Variants in PCDH7 observed in about 807,000 individuals in gnomAD.
PCDH7 encodes protocadherin-7.
In PCDH7, 17 loss-of-function variants were observed where a neutral mutation model predicts 58.9. The ratio of observed to expected loss-of-function variants is 0.29; its 90% CI spans 0.20 to 0.43. PCDH7 has a LOEUF of 0.43. Among genes scored for constraint, PCDH7 ranks in the 20% least tolerant of loss-of-function variants. The pLI, the probability that PCDH7 is intolerant of heterozygous loss-of-function variation, is 1.00. For missense variants in PCDH7, 1,274 were observed against 1,441.0 expected, an observed-to-expected ratio of 0.88 and a Z score of 1.88; for synonymous variants, 664 against 616.4, an observed-to-expected ratio of 1.08 and a Z score of -1.14.
chr4:31,120,486 T>A (rs1717557902), intron 3 of PCDH7, among the ~76,000 whole-genome samples: 1 of 151,034 alleles, frequency 6.6e-6, no homozygotes, highest in Admixed American at 6.6e-5. Flanking sequence ...ATCTCCTGTA[T>A]GTTCACTGAA....
At chr4:30,903,927 A>T (rs909438820) in intron 1 of PCDH7, among the ~76,000 whole-genome samples, 3 of 152,150 alleles carry the variant, frequency 2.0e-5, no homozygotes, top group Non-Finnish European at 4.4e-5. Context: ...ACACTTATTA[A>T]GCTAACATTT....
At chr4:30,845,562 A>G (rs1731818393) in intron 1 of PCDH7, among the ~76,000 whole-genome samples, 1 of 152,134 alleles carries the variant, frequency 6.6e-6, no homozygotes, top group African/African-American at 2.4e-5. Context: ...GTGTAAAGTT[A>G]CAACGCAATA....
Position 30,732,959 on chromosome 4 carries a change from C to CA in PCDH7, c.*2177dup, listed in dbSNP as rs544168117. 23 of 152,170 alleles carry CA rather than the reference C, an allele frequency of 1.5e-4. No homozygotes were observed. In the East Asian group the frequency reaches 3.9e-3, roughly 26 times the overall value. The allele number at this position is 152,170 out of a possible 1,614,324, so 9.4% of individuals were successfully genotyped here. On this transcript the variant is annotated 3_prime_UTR_variant, in exon 2 of 2. Coordinates refer to ENST00000361762, the Ensembl canonical transcript of PCDH7. ...CCTCTACTATTCTTGTGATTAAAAA[C>CA]AAAAAATCTTTGAACACGTGCCATT...
At chr4:30,961,370 C>T (rs888550071) in intron 3 of PCDH7, among the ~76,000 whole-genome samples, 5 of 148,678 alleles carry the variant, frequency 3.4e-5, no homozygotes, top group Admixed American at 3.4e-4. Context: ...CAGTGAAATC[C>T]TGTCTCTACT....
At chr4:30,914,871 G>A (rs750317842) in intron 1 of PCDH7, among the ~76,000 whole-genome samples, 9 of 152,104 alleles carry the variant, frequency 5.9e-5, no homozygotes, top group Non-Finnish European at 1.2e-4. Flanking sequence ...TGTCCTCTAG[G>A]TCACGTAAGG....
rs748168332 is a variant in PCDH7 at position 30,723,428 on chromosome 4, G to C, written c.2006G>C (p.Gly669Ala). 1.9e-6 allele frequency: 3 copies of C among 1,614,072 alleles called. No individual in the cohort carries two copies. The highest frequency in any genetic ancestry group is 1.3e-5 in the African/African-American group (1 of 74,942). ...GTCACCGTGATGGATGCTGACAAGG[G>C]GCGGAATGCAGAGATGAGCCTGTAC... Residue 669 changes from glycine to alanine, a missense_variant, in exon 1 of 2, where the codon GGG becomes GCG. Physicochemically the swap from Gly to Ala is moderately conservative, Grantham distance 60. This residue lies in a region of PCDH7 where 731 missense variants were observed against 881.9 expected (regional missense o/e 0.83). Transcript: ENST00000361762. This position sits in a 1 kb window ranked among gnomAD's most constrained non-coding sequence, Gnocchi z 4.6.
intron 1 of PCDH7, among the ~76,000 whole-genome samples, chr4:30,763,687 T>A (rs574990354): frequency 1.3e-5 from 2 of 152,198 alleles, no homozygotes; most frequent in East Asian, 3.8e-4. Flanking sequence ...CAAATCCCTT[T>A]TCATTAATGA....
intron 1 of PCDH7, among the ~76,000 whole-genome samples, chr4:30,911,002 T>C (rs1560493692): frequency 6.6e-6 from 1 of 152,086 alleles, no homozygotes; most frequent in Non-Finnish European, 1.5e-5. Flanking sequence ...GTTCATGTTG[T>C]TTGCATGGAC....
At chr4:30,901,230 G>A (rs1740175469) in intron 1 of PCDH7, among the ~76,000 whole-genome samples, 1 of 152,008 alleles carries the variant, frequency 6.6e-6, no homozygotes, top group African/African-American at 2.4e-5. Flanking sequence ...AAAGATGTGA[G>A]GTATTTTATA....
chr4:30,767,669 CTT>C (rs1254913879), intron 1 of PCDH7, among the ~76,000 whole-genome samples: 5 of 152,162 alleles, frequency 3.3e-5, no homozygotes, highest in African/African-American at 9.7e-5. Context: ...TCAGGAAACT[CTT>C]AGTCTCCCAG....
chr4:30,770,758 A>G (rs1157383086), intron 1 of PCDH7, among the ~76,000 whole-genome samples: 1 of 152,226 alleles, frequency 6.6e-6, no homozygotes, highest in Non-Finnish European at 1.5e-5. Context: ...AAGTCATTAA[A>G]TAATTTTCAC....
At chr4:30,904,604 C>CT (rs1740672407) in intron 1 of PCDH7, among the ~76,000 whole-genome samples, 1 of 152,176 alleles carries the variant, frequency 6.6e-6, no homozygotes, top group Non-Finnish European at 1.5e-5. Context: ...TGTTGGGAGT[C>CT]TATTTTTCTA....
downstream of PCDH7, chr4:31,143,143 A>C (rs1720457411): frequency 5.2e-6 from 1 of 191,512 alleles, no homozygotes; most frequent in Non-Finnish European, 1.1e-5. Context: ...AAAAGAAAAA[A>C]AAAGGGGGAT....
downstream of PCDH7, chr4:31,144,395 C>T (rs1207288388): frequency 6.6e-6 from 1 of 152,142 alleles, no homozygotes; most frequent in Non-Finnish European, 1.5e-5. Context: ...TTGAGCTACT[C>T]ACTCTATAGA....
chr4:31,099,544 G>C (rs559062294), intron 3 of PCDH7, among the ~76,000 whole-genome samples: 1 of 152,290 alleles, frequency 6.6e-6, no homozygotes, highest in East Asian at 1.9e-4. Context: ...TATGCTTGCA[G>C]ATATCCACAA....
chr4:30,833,679 A>G (rs1730099124), intron 1 of PCDH7, among the ~76,000 whole-genome samples: 1 of 152,186 alleles, frequency 6.6e-6, no homozygotes, highest in Non-Finnish European at 1.5e-5. Context: ...TAAGGATTGT[A>G]TATCAGGGAG....
intron 1 of PCDH7, among the ~76,000 whole-genome samples, chr4:30,856,022 T>G (rs1466011149): frequency 1.3e-5 from 2 of 152,112 alleles, no homozygotes; most frequent in African/African-American, 2.4e-5. Flanking sequence ...TTAACCCTCT[T>G]GATTTTTTTC....
chr4:30,933,423 T>C (rs1744933266), intron 2 of PCDH7, among the ~76,000 whole-genome samples: 1 of 152,178 alleles, frequency 6.6e-6, no homozygotes, highest in African/African-American at 2.4e-5. Context: ...GCTCCCTAGA[T>C]TCAGTGCTTC....
chr4:30,947,245 T>A (rs562388127), intron 2 of PCDH7, among the ~76,000 whole-genome samples: 1 of 152,292 alleles, frequency 6.6e-6, no homozygotes, highest in South Asian at 2.1e-4. Context: ...TTCCATGCGA[T>A]TCATATTGTT....
Sources: gnomAD v4.1 joint callset for allele counts (sites outside exome capture counted in the v4.1 genomes callset) on GRCh38, gnomAD v4.1.1 for gene constraint, gnomAD v4.1.1 regional missense constraint, Gnocchi (gnomAD v3.1) non-coding constraint, MANE v1.5 for transcripts, NCBI Gene and HGNC (gene_info 2026-07-23, HGNC 2026-07-21) for gene names.